FGF13: variants seen among roughly 807,000 people sequenced by gnomAD.
FGF13 encodes fibroblast growth factor homologous factor 2.
Under a neutral mutation model 19.5 loss-of-function variants are expected in FGF13, and 2 were observed. The ratio of observed to expected loss-of-function variants is 0.10; its 90% CI spans 0.04 to 0.32. The LOEUF is 0.32. FGF13 is among the 10% of genes least tolerant of loss of function. The pLI, the probability that FGF13 is intolerant of heterozygous loss-of-function variation, is 1.00. For synonymous variants in FGF13, 72 were observed against 76.9 expected (o/e 0.94, Z 0.33); for missense variants, 113 against 192.7 (o/e 0.59, Z 2.45).
rs1191324118 is a variant in FGF13, at chrX:139,157,116, T to C, written c.-113+46300A>G. ...ATGCTGTAAGTCTGATTATTATCAT[T>C]ATTATTATTATTTCCTTACCATAGC... On this transcript the variant is annotated intron_variant, in intron 1 of 2. Transcript: ENST00000421460. 4.5e-5 allele frequency among the ~76,000 whole-genome samples: 5 copies of C among 111,381 alleles called. No individual in the cohort carries two copies. In the East Asian group the frequency reaches 1.1e-3, roughly 25 times the overall value.
intron 1 of FGF13, among the ~76,000 whole-genome samples, chrX:138,871,374 G>A (rs778021339): frequency 8.3e-4 from 93 of 111,691 alleles, no homozygotes; most frequent in African/African-American, 2.9e-3. Context: ...GAAGATGGGG[G>A]GGGAACAGAC....
chrX:139,170,930 C>G (rs1179499874), intron 1 of FGF13, among the ~76,000 whole-genome samples: 2 of 111,793 alleles, frequency 1.8e-5, no homozygotes, highest in Non-Finnish European at 3.8e-5. Flanking sequence ...GTTCTGTTAG[C>G]CAACACATCA....
At chrX:139,066,203 GC>G (rs1405730921) in intron 1 of FGF13, among the ~76,000 whole-genome samples, 1 of 111,588 alleles carries the variant, frequency 9.0e-6, no homozygotes, top group African/African-American at 3.3e-5. Flanking sequence ...AGCACTAAAT[GC>G]CCACGAGAGA....
chrX:138,646,804 G>A (rs981966652), intron 3 of FGF13, among the ~76,000 whole-genome samples: 1 of 111,629 alleles, frequency 9.0e-6, no homozygotes, highest in African/African-American at 3.3e-5. Flanking sequence ...AGTCAGATTC[G>A]TGTGTGTGTA....
intron 3 of FGF13, among the ~76,000 whole-genome samples, chrX:138,698,390 C>T (rs754960649): frequency 5.4e-5 from 6 of 111,399 alleles, no homozygotes; most frequent in East Asian, 5.6e-4. Context: ...AAAATAAGAA[C>T]GCTCTTCCAG....
chrX:139,164,462 C>T (rs1005833372), intron 1 of FGF13, among the ~76,000 whole-genome samples: 5 of 110,940 alleles, frequency 4.5e-5, no homozygotes, highest in Non-Finnish European at 9.4e-5. Context: ...AGAGCCCAGG[C>T]GGGTGGATCA....
chrX:139,142,061 A>C (rs2083850131), intron 1 of FGF13, among the ~76,000 whole-genome samples: 1 of 111,975 alleles, frequency 8.9e-6, no homozygotes, highest in African/African-American at 3.2e-5. Flanking sequence ...ATTCTGCCTG[A>C]AGAATACATA....
intron 1 of FGF13, among the ~76,000 whole-genome samples, chrX:139,176,220 T>A (rs1282942135): frequency 9.0e-6 from 1 of 111,708 alleles, no homozygotes; most frequent in Non-Finnish European, 1.9e-5. Context: ...TTATGGTAGT[T>A]TATGTTTCTG....
chrX:138,653,029 T>C (rs983451938), intron 3 of FGF13, among the ~76,000 whole-genome samples: 1 of 112,051 alleles, frequency 8.9e-6, no homozygotes, highest in African/African-American at 3.2e-5. Flanking sequence ...AGATTACAGA[T>C]TGAACAGTAA....
chrX:138,691,434 T>C (rs1345582427), intron 3 of FGF13, among the ~76,000 whole-genome samples: 2 of 112,125 alleles, frequency 1.8e-5, no homozygotes, highest in Non-Finnish European at 3.8e-5. Context: ...GTATTTACTA[T>C]ACACAATGAA....
chrX:139,165,918 G>C, intron 1 of FGF13, among the ~76,000 whole-genome samples: 1 of 111,907 alleles, frequency 8.9e-6, no homozygotes, highest in South Asian at 3.7e-4. Flanking sequence ...CCCAATGCCT[G>C]TACCTCCATT....
intron 2 of FGF13, among the ~76,000 whole-genome samples, 198 bp downstream of exon 2, chrX:138,708,620 A>G (rs1386485581): frequency 8.9e-6 from 1 of 112,598 alleles, no homozygotes; most frequent in Admixed American, 9.4e-5. Context: ...TGGTGTCAAC[A>G]TTATTTGCCC....
chrX:138,933,133 C>T (rs924205612), intron 1 of FGF13, among the ~76,000 whole-genome samples: 1 of 111,171 alleles, frequency 9.0e-6, no homozygotes, highest in African/African-American at 3.3e-5. Context: ...GTACTGGCTC[C>T]CCACTGCCTG....
At chrX:138,769,257 T>G (rs2090526855) in intron 3 of FGF13, among the ~76,000 whole-genome samples, 1 of 111,309 alleles carries the variant, frequency 9.0e-6, no homozygotes, top group African/African-American at 3.3e-5. Flanking sequence ...TGCAAAGGAT[T>G]TATAGTAAGC....
At position 138,711,186 on chromosome X, in the gene FGF13, G is replaced by C; in HGVS notation, c.-183C>G. The C allele has an allele frequency of 4.7e-6, 5 of 1,061,155 alleles. No individual in the cohort carries two copies. Among genetic ancestry groups the C allele is most frequent in the Non-Finnish European group, 6.0e-6 (5 of 827,529 alleles). The allele number at this position is 1,061,155 out of a possible 1,213,427, so 87.5% of individuals were successfully genotyped here. A position where few individuals can be genotyped will look rare whatever the true frequency, so the allele number is the denominator to read the frequency against. ...AAGGAGGGGGCTCAGCATGCCGTCC[G>C]AGCTCCTCCGGCGGCGGTCCGGCTC... On this transcript the variant is annotated 5_prime_UTR_variant, in exon 1 of 5. Transcript: ENST00000315930.
intron 3 of FGF13, among the ~76,000 whole-genome samples, chrX:138,845,940 T>C (rs2091178333): frequency 9.0e-6 from 1 of 111,321 alleles, no homozygotes; most frequent in Non-Finnish European, 1.9e-5. Context: ...GTTCCTTCCT[T>C]GTTGCTTAAA....
intron 3 of FGF13, among the ~76,000 whole-genome samples, chrX:138,832,168 T>A (rs994714101): frequency 8.9e-6 from 1 of 112,362 alleles, no homozygotes. Context: ...CTCCTTTCAG[T>A]ATATATCCAG....
At chrX:138,748,279 A>G (rs951733779) in intron 3 of FGF13, among the ~76,000 whole-genome samples, 1 of 111,759 alleles carries the variant, frequency 8.9e-6, no homozygotes, top group African/African-American at 3.3e-5. Context: ...CTAACCCCCA[A>G]TGTGACTGTA....
At chrX:138,767,134 G>A (rs1247475861) in intron 3 of FGF13, among the ~76,000 whole-genome samples, 1 of 111,636 alleles carries the variant, frequency 9.0e-6, no homozygotes, top group Non-Finnish European at 1.9e-5. Context: ...TGAGGTGAGA[G>A]GGGACCAGAA....
Sources: allele counts gnomAD v4.1 joint callset (sites outside exome capture counted in the v4.1 genomes callset), GRCh38; gene constraint gnomAD v4.1.1; transcripts MANE v1.5; gene names NCBI Gene and HGNC (gene_info 2026-07-23, HGNC 2026-07-21).